COL2A1: variants seen among roughly 807,000 people sequenced by gnomAD.
The protein encoded by COL2A1 is collagen alpha-1(II) chain.
COL2A1 carries 28 observed loss-of-function variants against 204.5 expected under a neutral mutation model. The observed-to-expected ratio is 0.14, with a 90% CI of 0.10 to 0.19. The LOEUF (loss-of-function observed/expected upper bound fraction) is 0.19. COL2A1 is among the 10% of genes least tolerant of loss of function. The probability of loss-of-function intolerance (pLI) is 1.00; values close to 1 mark genes in which losing one functional copy is unlikely to be tolerated. For missense variants in COL2A1, 1,388 were observed against 2,027.5 expected (o/e 0.68, Z 6.06); for synonymous variants, 708 against 718.7 (o/e 0.99, Z 0.24).
chr12:48,001,479 G>C (rs913664360), intron 1 of COL2A1, among the ~76,000 whole-genome samples: 1 of 152,226 alleles, frequency 6.6e-6, no homozygotes, highest in African/African-American at 2.4e-5. Context: ...AGGTGTGGGA[G>C]AGGGGGCATC....
At chr12:47,993,959 C>A in intron 13 of COL2A1, 35 bp downstream of exon 13, 1 of 1,614,016 alleles carries the variant, frequency 6.2e-7, no homozygotes, top group Non-Finnish European at 8.5e-7. Flanking sequence ...CACCAGGCAT[C>A]TCTTCCTTCC....
chr12:47,979,396 G>T, intron 41 of COL2A1, 115 bp downstream of exon 41: 1 of 1,064,846 alleles, frequency 9.4e-7, no homozygotes, highest in Non-Finnish European at 1.5e-6. Flanking sequence ...CCTCCAGGGG[G>T]CAGGAACGGA....
chr12:47,987,580 C>G lies in COL2A1; in HGVS notation c.1221+31G>C. On this transcript the variant is annotated intron_variant, in intron 19 of 53. Transcript: ENST00000380518. The surrounding 1 kb of genome is among the most constrained non-coding windows in gnomAD (Gnocchi z 4.1). ...GAGTTCCAAAGCCACAGACCCCAGA[C>G]CCCCCCAGGCCAAAGAGAAGCTGCA... The G allele has an allele frequency of 6.4e-7, 1 of 1,557,768 alleles. No individual in the cohort carries two copies.
chr12:47,992,881 A>G lies in COL2A1; in HGVS notation c.1020T>C (p.Ala340=). Residue 340 remains alanine (A), a synonymous_variant, in exon 16 of 54, where the codon GCT becomes GCC. Coordinates refer to ENST00000380518, the MANE Select transcript of COL2A1 (RefSeq NM_001844.5). ...GERGRTGPAG[A]AGARGNDGQP... The stretch of plus-strand genomic sequence containing the variant: ...TTTGGCTTTGTCAATTACTCACCGC[A>G]GCGCCAGCAGGGCCAGTCCGTCCTC... 6.2e-7 allele frequency: 1 copy of G among 1,614,174 alleles called. No individual in the cohort carries two copies. The highest frequency in any genetic ancestry group is 8.5e-7 in the Non-Finnish European group (1 of 1,180,006).
At chr12:47,984,364 T>G (rs967315501) in intron 28 of COL2A1, among the ~76,000 whole-genome samples, 182 bp downstream of exon 28, 1 of 152,010 alleles carries the variant, frequency 6.6e-6, no homozygotes, top group Non-Finnish European at 1.5e-5. Flanking sequence ...TGCTGACCAA[T>G]GGCAAACAGA....
intron 41 of COL2A1, among the ~76,000 whole-genome samples, chr12:47,979,067 C>T (rs1174237029): frequency 6.6e-6 from 1 of 152,018 alleles, no homozygotes; most frequent in Non-Finnish European, 1.5e-5. Context: ...GCCGCTCCAG[C>T]CCTGCCCCTC....
In COL2A1 at chr12:47,983,693, G is replaced by T; in HGVS notation, c.1985C>A (p.Ser662Tyr). Residue 662 changes from serine to tyrosine, a missense_variant, in exon 30 of 54, where the codon TCT (serine) becomes TAT (tyrosine). Ser to Tyr is a moderately radical substitution (Grantham distance 144, BLOSUM62 -2). This residue lies in a region of COL2A1 where 884 missense variants were observed against 1,415.8 expected (regional missense o/e 0.62). Transcript: ENST00000380518. ...GGTCCAGCCACCTACCTGGAACCCA[G>T]ATGGCCCAGGAGCACCCTGCTCGCC... is the stretch of plus-strand genomic sequence containing the variant. The part of the protein sequence containing the change: ...ERGEQGAPGP[S>Y]GFQGLPGPPG... The T allele has an allele frequency of 1.2e-6, 2 of 1,600,422 alleles. No homozygotes were observed. The highest frequency in any genetic ancestry group is 1.7e-6 in the Non-Finnish European group (2 of 1,173,500).
At chr12:48,000,955 C>T (rs1232958301) in intron 1 of COL2A1, 1 of 152,320 alleles carries the variant, frequency 6.6e-6, no homozygotes, top group Non-Finnish European at 1.5e-5. Context: ...AAACAGCACC[C>T]CAGTTTGGGG....
At position 47,987,134 on chromosome 12, in the gene COL2A1, G is replaced by T. The variant is rs917659377; in HGVS notation, c.1309C>A (p.Arg437=). Residue 437 remains arginine (R), a synonymous_variant, in exon 21 of 54, where the codon CGG becomes AGG. Coordinates refer to ENST00000380518, the MANE Select transcript of COL2A1 (RefSeq NM_001844.5). This position sits in a 1 kb window ranked among gnomAD's most constrained non-coding sequence, Gnocchi z 4.1. ...GCACCTTGAGGGCCAGGAGGGCCCC[G>T]TGGCCCAGGGAAGCCAGGAGCACCA... ...IAGAPGFPGP[R]GPPGPQGATG... The T allele has an allele frequency of 6.2e-7, 1 of 1,614,142 alleles. No homozygotes were observed. The highest frequency in any genetic ancestry group is 1.1e-5 in the South Asian group (1 of 91,086).
chr12:47,976,659 C>T lies in COL2A1; in HGVS notation c.3436-92G>A. ...GGGGGAACAGCTTTATGTCCCAGCCCCATTCCCTTTCCACTTCCTCCTCCC... is the reference window on the plus strand; with the variant it reads ...GGGGGAACAGCTTTATGTCCCAGCCTCATTCCCTTTCCACTTCCTCCTCCC... On this transcript the variant is annotated intron_variant, in intron 48 of 53. Transcript: ENST00000380518. This position sits in a 1 kb window ranked among gnomAD's most constrained non-coding sequence, Gnocchi z 4.3. The T allele has an allele frequency of 6.9e-7, 1 of 1,443,060 alleles. No homozygotes were observed. Among genetic ancestry groups the T allele is most frequent in the Non-Finnish European group, 9.7e-7 (1 of 1,031,700 alleles). The allele number at this position is 1,443,060 out of a possible 1,614,324, so 89.4% of individuals were successfully genotyped here.
chr12:47,978,526 C>T lies in COL2A1; in HGVS notation c.2895+71G>A, dbSNP rs907003680. ...GGCCCCTGCTCCCTCCTACCCCATG[C>T]TCTGTGAGCTCAGAAGCCACTCACG... On this transcript the variant is annotated intron_variant, in intron 42 of 53. Coordinates refer to ENST00000380518, the MANE Select transcript of COL2A1 (RefSeq NM_001844.5). This position sits in a 1 kb window ranked among gnomAD's most constrained non-coding sequence, Gnocchi z 5.5. 6 of 1,601,260 alleles carry T rather than the reference C, an allele frequency of 3.7e-6. No homozygotes were observed. The African/African-American group carries it at 5.4e-5, about 14-fold the overall frequency.
chr12:47,973,530 C>T lies in COL2A1; in HGVS notation c.4341G>A (p.Lys1447=), dbSNP rs1938540214. Residue 1447 remains lysine (K), a synonymous_variant, in exon 54 of 54, where the codon AAG becomes AAA. Coordinates refer to ENST00000380518, the MANE Select transcript of COL2A1 (RefSeq NM_001844.5). ...GCTKHTGKWG[K]TVIEYRSQKT... ...TCTGTGACCGGTACTCGATAACAGT[C>T]TTGCCCCACTTACCGGTATGTTTCT... 1.2e-6 allele frequency: 2 copies of T among 1,614,126 alleles called. No individual in the cohort carries two copies. The highest frequency in any genetic ancestry group is 1.7e-4 in the Middle Eastern group (1 of 6,060).
chr12:48,001,578 C>T (rs117072186), intron 1 of COL2A1, among the ~76,000 whole-genome samples: 4,336 of 152,188 alleles, frequency 0.028, 86 homozygotes, highest in Non-Finnish European at 0.038. Context: ...AGGAGAGGGG[C>T]CACTCCCCGT....
At chr12:47,981,111 G>A (rs1939052399) in intron 37 of COL2A1, 143 bp from the exon 38 acceptor site, 2 of 942,634 alleles carry the variant, frequency 2.1e-6, no homozygotes, top group East Asian at 5.3e-5. Context: ...CTGAACGCAG[G>A]CAGAGGCTCT....
intron 16 of COL2A1, 54 bp downstream of exon 16, chr12:47,992,824 G>A (rs1367839031): frequency 4.4e-6 from 7 of 1,590,562 alleles, no homozygotes; most frequent in Admixed American, 1.7e-5. Context: ...AAACAAACCT[G>A]TAAACTCTAA....
At position 47,985,169 on chromosome 12, in the gene COL2A1, A is replaced by G. The variant is rs1939325010; in HGVS notation, c.1735-76T>C. On this transcript the variant is annotated intron_variant, in intron 26 of 53. Transcript: ENST00000380518. ...TCCACCCAACATCCACTAAGGGCCT[A>G]CATGGCAGGCCCAGGACTAGGCACC... 4.2e-6 allele frequency: 5 copies of G among 1,202,868 alleles called. No individual in the cohort carries two copies. In the South Asian group the frequency reaches 5.1e-5, roughly 12 times the overall value. The allele number at this position is 1,202,868 out of a possible 1,614,324, so 74.5% of individuals were successfully genotyped here.
rs1449342428 is a variant in COL2A1 at position 47,981,771 on chromosome 12, C to A, written c.2409+5G>T. 4.5e-6 allele frequency: 7 copies of A among 1,553,130 alleles called. No individual in the cohort carries two copies. Among genetic ancestry groups the A allele is most frequent in the Non-Finnish European group, 6.1e-6 (7 of 1,147,826 alleles). ...GGTGTGGAGAGGAAAGGAGCCGGGA[C>A]TCACCTTCTCGCCATTAGCACCAGC... On this transcript the variant is annotated splice_donor_5th_base_variant and intron_variant, in intron 36 of 53. Coordinates refer to ENST00000380518, the MANE Select transcript of COL2A1 (RefSeq NM_001844.5).
In COL2A1 at chr12:47,977,117, T is replaced by C. The variant is rs761347354; in HGVS notation, c.3312A>G (p.Gly1104=). Residue 1104 remains glycine (G), a synonymous_variant, in exon 47 of 54, where the codon GGA becomes GGG. Transcript: ENST00000380518. ...QGPMGPSGPA[G]ARGIQGPQGP... ...GGATACTCACCTGGATTCCCCGGGC[T>C]CCAGCTGGTCCTGAGGGTCCCATGG... The C allele has an allele frequency of 1.2e-6, 2 of 1,609,006 alleles. No individual in the cohort carries two copies. Among genetic ancestry groups the C allele is most frequent in the South Asian group, 2.2e-5 (2 of 89,674 alleles).
intron 17 of COL2A1, 110 bp downstream of exon 17, chr12:47,989,651 A>G: frequency 1.1e-6 from 1 of 911,626 alleles, no homozygotes; most frequent in South Asian, 1.3e-5. Flanking sequence ...TCCAGTAGAC[A>G]TCAGAGTGCT....
Sources: gnomAD v4.1 joint callset for allele counts (sites outside exome capture counted in the v4.1 genomes callset) on GRCh38, gnomAD v4.1.1 for gene constraint, gnomAD v4.1.1 regional missense constraint, Gnocchi (gnomAD v3.1) non-coding constraint, MANE v1.5 for transcripts, NCBI Gene and HGNC (gene_info 2026-07-23, HGNC 2026-07-21) for gene names.